COL19A1: variants seen among roughly 807,000 people sequenced by gnomAD.
The protein encoded by COL19A1 is collagen type XIX alpha 1 chain.
COL19A1 carries 159 observed loss-of-function variants against 190.2 expected under a neutral mutation model. That is an observed-to-expected ratio of 0.84 (90% CI 0.73 to 0.95). The LOEUF is 0.95. Ranked by LOEUF, COL19A1 falls within the 40% of genes least tolerant of loss-of-function variation. The probability of loss-of-function intolerance (pLI) is 0.00; values close to 1 mark genes in which losing one functional copy is unlikely to be tolerated. For synonymous variants in COL19A1, 509 were observed against 458.9 expected (o/e 1.11, Z -1.39); for missense variants, 1,418 against 1,431.9 (o/e 0.99, Z 0.16).
chr6:70,038,683 C>T (rs1458069507), intron 14 of COL19A1, among the ~76,000 whole-genome samples: 2 of 152,122 alleles, frequency 1.3e-5, no homozygotes, highest in Non-Finnish European at 2.9e-5. Flanking sequence ...TATGTAGGAA[C>T]ACTCAGGGTC....
At chr6:70,041,992 C>G (rs2150124201) in intron 14 of COL19A1, among the ~76,000 whole-genome samples, 1 of 152,206 alleles carries the variant, frequency 6.6e-6, no homozygotes, top group East Asian at 1.9e-4. Context: ...TGCCTAAACC[C>G]AGGAGGAGGT....
rs200797465 is a variant in COL19A1, at chr6:70,180,384, T to C, written c.2712+28T>C. 365 of 1,614,122 alleles carry C rather than the reference T, an allele frequency of 2.3e-4. 2 individuals are homozygous for C. In the East Asian group the frequency reaches 2.9e-3, roughly 13 times the overall value. On this transcript the variant is annotated intron_variant, in intron 43 of 50. Coordinates refer to ENST00000620364, the MANE Select transcript of COL19A1 (RefSeq NM_001858.6). ...GAGTTGGCAGTTACTTTCATGACAG[T>C]TGTACTTGTGTTGTACTTGCATGCA... is the stretch of plus-strand genomic sequence containing the variant.
At chr6:69,932,744 A>G (rs754814697) in intron 6 of COL19A1, 39 bp from the exon 7 acceptor site, 1 of 1,312,468 alleles carries the variant, frequency 7.6e-7, no homozygotes, top group Non-Finnish European at 1.1e-6. Flanking sequence ...TGTGATTCCA[A>G]AAAACTAAAG....
intron 16 of COL19A1, among the ~76,000 whole-genome samples, chr6:70,116,900 G>A (rs769494196): frequency 1.1e-4 from 17 of 152,200 alleles, no homozygotes; most frequent in South Asian, 2.1e-4. Flanking sequence ...GCCAAAAGCA[G>A]CTGTGTGTAA....
intron 16 of COL19A1, among the ~76,000 whole-genome samples, chr6:70,115,962 A>T (rs560843255): frequency 6.6e-6 from 1 of 151,774 alleles, no homozygotes; most frequent in African/African-American, 2.4e-5. Context: ...CCCAAGAGAC[A>T]CTGAAAAAAA....
At chr6:70,141,262 G>A (rs1207893659) in intron 20 of COL19A1, among the ~76,000 whole-genome samples, 1 of 151,894 alleles carries the variant, frequency 6.6e-6, no homozygotes, top group Non-Finnish European at 1.5e-5. Context: ...GGACATGAAT[G>A]TTATACAAGA....
At chr6:70,173,937 T>G (rs963583666) in intron 41 of COL19A1, among the ~76,000 whole-genome samples, 3 of 152,142 alleles carry the variant, frequency 2.0e-5, no homozygotes, top group African/African-American at 7.2e-5. Context: ...GGCCAATGTC[T>G]TTAAGTAGCC....
At chr6:70,078,811 A>C (rs1201058055) in intron 15 of COL19A1, among the ~76,000 whole-genome samples, 2 of 152,204 alleles carry the variant, frequency 1.3e-5, no homozygotes, top group Admixed American at 6.5e-5. Flanking sequence ...TCACACCTGT[A>C]ATCCCAGCAC....
chr6:70,142,786 G>T lies in COL19A1; in HGVS notation c.1592G>T (p.Gly531Val). Residue 531 changes from glycine (G) to valine (V), a missense_variant, in exon 23 of 51, where the codon GGC (glycine) becomes GTC (valine). Gly to Val is a moderately radical substitution (Grantham distance 109). Transcript: ENST00000620364. Reference sequence around the variant, plus strand: ...TTTTAGGGTCAGCAAGGATCTGCAGGCTCCATGGGACCCAGAGGACCGCCA... The same window carrying T: ...TTTTAGGGTCAGCAAGGATCTGCAGTCTCCATGGGACCCAGAGGACCGCCA... Reference protein sequence around the residue: ...PGLKGQQGSAGSMGPRGPPGD... With the variant: ...PGLKGQQGSAVSMGPRGPPGD... 2 of 1,612,244 alleles carry T rather than the reference G, an allele frequency of 1.2e-6. No individual in the cohort carries two copies. Among genetic ancestry groups the T allele is most frequent in the Non-Finnish European group, 1.7e-6 (2 of 1,178,984 alleles).
chr6:70,130,594 G>C (rs1180366224), intron 18 of COL19A1, among the ~76,000 whole-genome samples: 1 of 152,220 alleles, frequency 6.6e-6, no homozygotes, highest in Non-Finnish European at 1.5e-5. Context: ...CCCACGTAGG[G>C]GGCAGCCCCC....
chr6:69,950,739 G>A (rs899012297), intron 9 of COL19A1, among the ~76,000 whole-genome samples: 2 of 149,464 alleles, frequency 1.3e-5, no homozygotes, highest in Non-Finnish European at 3.0e-5. Context: ...GCATCCTCAT[G>A]GTATGAAGTA....
At chr6:70,037,241 C>T (rs534512353) in intron 14 of COL19A1, among the ~76,000 whole-genome samples, 3 of 152,078 alleles carry the variant, frequency 2.0e-5, no homozygotes, top group African/African-American at 2.4e-5. Flanking sequence ...CTGCAACCTC[C>T]GCCTCCCGGG....
At chr6:69,906,424 A>G (rs1013235469) in intron 4 of COL19A1, among the ~76,000 whole-genome samples, 1 of 152,196 alleles carries the variant, frequency 6.6e-6, no homozygotes, top group South Asian at 2.1e-4. Flanking sequence ...TTCTGGAGCC[A>G]TAGTGGGTTT....
chr6:69,924,363 T>C (rs977618596), intron 4 of COL19A1, among the ~76,000 whole-genome samples: 1 of 152,160 alleles, frequency 6.6e-6, no homozygotes, highest in African/African-American at 2.4e-5. Flanking sequence ...TTTGGTTTTT[T>C]GTTCTTGTGA....
intron 38 of COL19A1, 44 bp from the exon 39 acceptor site, chr6:70,168,127 G>A (rs377310556): frequency 8.5e-5 from 137 of 1,606,600 alleles, no homozygotes; most frequent in Middle Eastern, 8.4e-4. Context: ...CTGTAAATTC[G>A]TCTCATCTTT....
intron 16 of COL19A1, among the ~76,000 whole-genome samples, chr6:70,105,744 C>T (rs752636050): frequency 1.3e-5 from 2 of 152,086 alleles, no homozygotes; most frequent in African/African-American, 2.4e-5. Flanking sequence ...TTAGTATATA[C>T]CTCGCCCCAG....
chr6:70,133,202 A>T (rs1349184476), intron 18 of COL19A1, among the ~76,000 whole-genome samples: 1 of 152,226 alleles, frequency 6.6e-6, no homozygotes, highest in Non-Finnish European at 1.5e-5. Context: ...TAAACACATA[A>T]GTGATTCACC....
intron 23 of COL19A1, among the ~76,000 whole-genome samples, chr6:70,143,567 C>T (rs1330402128): frequency 6.6e-6 from 1 of 152,024 alleles, no homozygotes; most frequent in Non-Finnish European, 1.5e-5. Flanking sequence ...TGGGAACAGC[C>T]CCTTAACCTC....
At chr6:70,157,583 G>T (rs1787519902) in intron 34 of COL19A1, among the ~76,000 whole-genome samples, 1 of 151,856 alleles carries the variant, frequency 6.6e-6, no homozygotes, top group Non-Finnish European at 1.5e-5. Context: ...ATGTACTATT[G>T]TTTCTAATTA....
Sources: allele counts gnomAD v4.1 joint callset (sites outside exome capture counted in the v4.1 genomes callset), GRCh38; gene constraint gnomAD v4.1.1; transcripts MANE v1.5; gene names NCBI Gene and HGNC (gene_info 2026-07-23, HGNC 2026-07-21).